The following SLC35F3 variants were observed in gnomAD, a reference collection of about 807,000 sequenced individuals.
SLC35F3 encodes the protein solute carrier family 35 member F3.
A neutral mutation model predicts 49.9 loss-of-function variants in SLC35F3; 25 were observed. That is an observed-to-expected ratio of 0.50 (90% CI 0.37 to 0.70). The LOEUF is 0.70. Among genes scored for constraint, SLC35F3 ranks in the 30% least tolerant of loss-of-function variants. The pLI is 0.00. For synonymous variants in SLC35F3, 275 were observed against 265.4 expected (o/e 1.04, Z -0.35); for missense variants, 525 against 639.8 (o/e 0.82, Z 1.94).
At chr1:234,102,869 C>T (rs756758820) in intron 2 of SLC35F3, among the ~76,000 whole-genome samples, 1 of 152,162 alleles carries the variant, frequency 6.6e-6, no homozygotes, top group Non-Finnish European at 1.5e-5. Flanking sequence ...TAACCAAGTT[C>T]ATTATCCACT....
In SLC35F3 at chr1:234,184,785, C is replaced by A. The variant is rs148603683; in HGVS notation, c.284-46632C>A. Reference sequence around the variant, plus strand: ...TGATGAATAACTATTTATTGAAAATCTACCACACACGTGACATTGTCCTAG... The same window carrying A: ...TGATGAATAACTATTTATTGAAAATATACCACACACGTGACATTGTCCTAG... On this transcript the variant is annotated intron_variant, in intron 2 of 7. Transcript: ENST00000366618. Among the ~76,000 whole-genome samples, 8 of 152,298 alleles carry A rather than the reference C, an allele frequency of 5.3e-5. No individual in the cohort carries two copies. The East Asian group carries it at 1.5e-3, about 29-fold the overall frequency.
At chr1:234,136,958 C>A (rs1248416684) in intron 2 of SLC35F3, among the ~76,000 whole-genome samples, 1 of 152,230 alleles carries the variant, frequency 6.6e-6, no homozygotes, top group Non-Finnish European at 1.5e-5. Context: ...GAACCTTCTT[C>A]AGCATTCATT....
intron 2 of SLC35F3, among the ~76,000 whole-genome samples, chr1:234,114,636 A>C (rs1194216587): frequency 2.0e-5 from 3 of 152,230 alleles, no homozygotes; most frequent in African/African-American, 7.2e-5. Context: ...TAATTCTTTT[A>C]ATGTGTTTTT....
intron 2 of SLC35F3, among the ~76,000 whole-genome samples, chr1:234,084,138 C>A (rs926377390): frequency 1.3e-5 from 2 of 151,800 alleles, no homozygotes; most frequent in Admixed American, 6.6e-5. Context: ...CGTGCCTGGC[C>A]AACAACATTT....
intron 5 of SLC35F3, 145 bp downstream of exon 5, chr1:234,316,872 C>T (rs775415003): frequency 2.8e-6 from 3 of 1,079,882 alleles, no homozygotes; most frequent in African/African-American, 1.6e-5. Flanking sequence ...CTGGAGTCAA[C>T]TGTGCAACAG....
At chr1:233,999,543 A>G (rs992895518) in intron 2 of SLC35F3, among the ~76,000 whole-genome samples, 3 of 151,984 alleles carry the variant, frequency 2.0e-5, no homozygotes, top group Non-Finnish European at 4.4e-5. Context: ...CTGTCATTTC[A>G]GCACATGTTC....
intron 3 of SLC35F3, among the ~76,000 whole-genome samples, chr1:234,293,801 T>A (rs1367427941): frequency 6.6e-6 from 1 of 152,216 alleles, no homozygotes; most frequent in Non-Finnish European, 1.5e-5. Flanking sequence ...GTTGACCCCA[T>A]CCATAAGCAT....
intron 2 of SLC35F3, among the ~76,000 whole-genome samples, chr1:233,993,599 A>T (rs12047434): frequency 2.0e-5 from 3 of 152,172 alleles, no homozygotes; most frequent in African/African-American, 7.2e-5. Flanking sequence ...CCCTCATTTT[A>T]CAGCTGAGGA....
At chr1:234,263,414 C>A (rs1343338278) in intron 3 of SLC35F3, among the ~76,000 whole-genome samples, 1 of 152,110 alleles carries the variant, frequency 6.6e-6, no homozygotes, top group Non-Finnish European at 1.5e-5. Context: ...TGTTCCACCT[C>A]CCTTGTGAAA....
At chr1:234,319,134 ATCAG>A (rs2102998532) in intron 6 of SLC35F3, among the ~76,000 whole-genome samples, 191 bp downstream of exon 6, 1 of 152,352 alleles carries the variant, frequency 6.6e-6, no homozygotes, top group African/African-American at 2.4e-5. Context: ...CAGAGCCAGA[ATCAG>A]TGCAGTAGTC....
At chr1:234,117,892 G>GAAA (rs1230601740) in intron 2 of SLC35F3, among the ~76,000 whole-genome samples, 1 of 94,180 alleles carries the variant, frequency 1.1e-5, no homozygotes, top group Admixed American at 1.3e-4. Context: ...TCTCAAAAAA[G>GAAA]AAAAAAAAAA....
At chr1:234,193,616 C>T (rs1666762194) in intron 2 of SLC35F3, among the ~76,000 whole-genome samples, 1 of 152,164 alleles carries the variant, frequency 6.6e-6, no homozygotes. Flanking sequence ...AACTAAAGAG[C>T]TTCTGCACAG....
chr1:233,931,840 A>G (rs939512342), intron 2 of SLC35F3, among the ~76,000 whole-genome samples: 1 of 152,234 alleles, frequency 6.6e-6, no homozygotes, highest in Non-Finnish European at 1.5e-5. Context: ...AGACACATGT[A>G]CACGTATGTT....
chr1:234,207,010 C>A (rs1435644460), intron 2 of SLC35F3, among the ~76,000 whole-genome samples: 1 of 152,174 alleles, frequency 6.6e-6, no homozygotes, highest in Non-Finnish European at 1.5e-5. Context: ...GCCAAGGGAG[C>A]TGTCTCCTGG....
chr1:234,063,587 T>G (rs947778168), intron 2 of SLC35F3, among the ~76,000 whole-genome samples: 2 of 152,148 alleles, frequency 1.3e-5, no homozygotes, highest in African/African-American at 4.8e-5. Flanking sequence ...TGTTTAATCC[T>G]AAATGGGTCC....
At chr1:234,309,727 C>T (rs1243062391) in intron 4 of SLC35F3, among the ~76,000 whole-genome samples, 1 of 152,244 alleles carries the variant, frequency 6.6e-6, no homozygotes, top group Non-Finnish European at 1.5e-5. Context: ...CACTGCCACT[C>T]TCGGGTGAGG....
chr1:234,014,505 G>A (rs1663773934), intron 2 of SLC35F3, among the ~76,000 whole-genome samples: 1 of 152,060 alleles, frequency 6.6e-6, no homozygotes, highest in South Asian at 2.1e-4. Context: ...AAAAATAAAG[G>A]TCATCCAGAT....
chr1:234,054,003 A>G (rs1443363403), intron 2 of SLC35F3, among the ~76,000 whole-genome samples: 2 of 152,144 alleles, frequency 1.3e-5, no homozygotes, highest in Admixed American at 1.3e-4. Context: ...GTTTCTGCTG[A>G]GAGATTTGCT....
intron 2 of SLC35F3, among the ~76,000 whole-genome samples, chr1:234,143,819 G>A (rs1318726091): frequency 6.6e-6 from 1 of 152,188 alleles, no homozygotes; most frequent in African/African-American, 2.4e-5. Context: ...ATGTTGCAAT[G>A]AACATGGGGG....
Sources: allele counts gnomAD v4.1 joint callset (sites outside exome capture counted in the v4.1 genomes callset), GRCh38; gene constraint gnomAD v4.1.1; transcripts MANE v1.5; gene names NCBI Gene and HGNC (gene_info 2026-07-23, HGNC 2026-07-21).